The following CDC14A variants were observed in gnomAD, a reference collection of about 807,000 sequenced individuals.
CDC14A encodes the protein cell division cycle 14A.
CDC14A carries 53 observed loss-of-function variants against 74.4 expected under a neutral mutation model. The ratio of observed to expected loss-of-function variants is 0.71; its 90% confidence interval spans 0.57 to 0.89. The LOEUF (loss-of-function observed/expected upper bound fraction) is 0.89, where lower values mean the gene tolerates loss of function less well. Ranked by LOEUF, CDC14A falls within the 40% of genes least tolerant of loss-of-function variation. The pLI, the probability that CDC14A is intolerant of heterozygous loss-of-function variation, is 0.00. For missense variants in CDC14A, 646 were observed against 713.7 expected (o/e 0.91, Z 1.08); for synonymous variants, 247 against 258.4 (o/e 0.96, Z 0.43).
intron 4 of CDC14A, among the ~76,000 whole-genome samples, chr1:100,407,296 T>C (rs1268105657): frequency 4.6e-5 from 7 of 152,194 alleles, no homozygotes. Context: ...TCGGGCAGTA[T>C]GGCCATTTTC....
At chr1:100,462,908 G>A (rs764441114) in intron 9 of CDC14A, 27 bp downstream of exon 9, 1 of 1,571,188 alleles carries the variant, frequency 6.4e-7, no homozygotes, top group South Asian at 1.1e-5. Flanking sequence ...GGTGGTGGTG[G>A]CTGTGCTTAT....
At chr1:100,352,003 TGC>T (rs370715549), upstream of CDC14A, among the ~76,000 whole-genome samples, 50 of 122,848 alleles carry the variant, frequency 4.1e-4, no homozygotes, top group Non-Finnish European at 7.0e-4. Context: ...TGTGTGTGTG[TGC>T]GCGCGCGCGC....
chr1:100,353,153 A>G (rs1435740598), intron 1 of CDC14A, 150 bp downstream of exon 1: 4 of 813,148 alleles, frequency 4.9e-6, no homozygotes, highest in Non-Finnish European at 8.2e-6. Context: ...CCTTTCTCCG[A>G]GGACCCCCTG....
At chr1:100,420,082 A>ATATATATATATATATATATATGT (rs58124351) in intron 4 of CDC14A, among the ~76,000 whole-genome samples, 1 of 105,524 alleles carries the variant, frequency 9.5e-6, no homozygotes, top group Admixed American at 9.7e-5. Context: ...ATATATATAT[A>ATATATATATATATATATATATGT]GTGTGTATGT....
intron 4 of CDC14A, among the ~76,000 whole-genome samples, chr1:100,402,620 C>T (rs1659416916): frequency 6.6e-6 from 1 of 152,158 alleles, no homozygotes; most frequent in African/African-American, 2.4e-5. Context: ...AACCCTTCTG[C>T]AGTCCTGCTT....
chr1:100,417,580 T>C (rs916172651), intron 4 of CDC14A, among the ~76,000 whole-genome samples: 7 of 152,204 alleles, frequency 4.6e-5, no homozygotes, highest in Admixed American at 4.6e-4. Flanking sequence ...ATACTTTCTA[T>C]AAGCAAATAC....
At chr1:100,500,040 G>T (rs1282615778) in intron 15 of CDC14A, among the ~76,000 whole-genome samples, 4 of 152,156 alleles carry the variant, frequency 2.6e-5, no homozygotes, top group African/African-American at 9.7e-5. Flanking sequence ...GGTAAACTCT[G>T]TTGGTAAACT....
intron 11 of CDC14A, among the ~76,000 whole-genome samples, chr1:100,488,699 A>G (rs1029989038): frequency 2.0e-5 from 3 of 152,238 alleles, no homozygotes; most frequent in African/African-American, 4.8e-5. Context: ...CAAATTGACA[A>G]TCAAGTAGAC....
intron 4 of CDC14A, among the ~76,000 whole-genome samples, chr1:100,395,679 C>G (rs1451986207): frequency 1.3e-5 from 2 of 152,146 alleles, no homozygotes; most frequent in Non-Finnish European, 2.9e-5. Flanking sequence ...TAAATTAGAT[C>G]ACGTCATTAC....
intron 15 of CDC14A, among the ~76,000 whole-genome samples, chr1:100,503,979 A>G (rs1463795224): frequency 1.3e-5 from 2 of 152,152 alleles, no homozygotes. Flanking sequence ...GCCTCTCTAC[A>G]TCCCACCTTG....
At chr1:100,444,941 G>GT (rs540422795) in intron 7 of CDC14A, among the ~76,000 whole-genome samples, 19 of 151,844 alleles carry the variant, frequency 1.3e-4, no homozygotes, top group South Asian at 6.2e-4. Context: ...CCCAAAGAGA[G>GT]TTTTTTTTAA....
upstream of CDC14A, among the ~76,000 whole-genome samples, chr1:100,349,613 T>C (rs1040144099): frequency 6.6e-6 from 1 of 152,228 alleles, no homozygotes; most frequent in Admixed American, 6.5e-5. Flanking sequence ...CTTAGAGAGA[T>C]TTGATTATAC....
chr1:100,498,251 G>C lies in CDC14A; in HGVS notation c.1421+44G>C, dbSNP rs764561278. ...TTCTAAGGTGCTGGTTTGAGGTAAA[G>C]GAAGCTTGCAGCAGGCGATGAGTTT... On this transcript the variant is annotated intron_variant, in intron 14 of 15. Transcript: ENST00000336454. The C allele has an allele frequency of 6.2e-5, 99 of 1,598,348 alleles. 1 individual carries two copies. In the South Asian group the frequency reaches 1.1e-3, roughly 18 times the overall value.
At chr1:100,460,493 C>T (rs952845233) in intron 8 of CDC14A, among the ~76,000 whole-genome samples, 9 of 152,168 alleles carry the variant, frequency 5.9e-5, no homozygotes, top group African/African-American at 7.2e-5. Context: ...CTCACCAGCC[C>T]GCCACACCAG....
At chr1:100,488,090 G>A (rs1670223729) in intron 11 of CDC14A, among the ~76,000 whole-genome samples, 1 of 152,168 alleles carries the variant, frequency 6.6e-6, no homozygotes, top group Admixed American at 6.5e-5. Flanking sequence ...AATAGTACTA[G>A]CAATAAGTGC....
intron 5 of CDC14A, among the ~76,000 whole-genome samples, chr1:100,426,214 G>T (rs564416064): frequency 6.6e-6 from 1 of 152,278 alleles, no homozygotes; most frequent in African/African-American, 2.4e-5. Context: ...CTGGGTTCAA[G>T]AGAATCTCCT....
intron 3 of CDC14A, among the ~76,000 whole-genome samples, chr1:100,378,606 A>G (rs1655640792): frequency 6.6e-6 from 1 of 152,190 alleles, no homozygotes; most frequent in African/African-American, 2.4e-5. Flanking sequence ...TTATGAATTT[A>G]CAAATTTTTG....
intron 4 of CDC14A, among the ~76,000 whole-genome samples, chr1:100,420,122 T>G (rs1400432658): frequency 9.1e-5 from 6 of 65,766 alleles, no homozygotes; most frequent in Admixed American, 5.2e-4. Context: ...CTGAAAAGGT[T>G]TTTTTTTTTT....
chr1:100,442,877 T>C (rs1478098543), intron 6 of CDC14A, 57 bp from the exon 7 acceptor site: 1 of 1,138,364 alleles, frequency 8.8e-7, no homozygotes, highest in East Asian at 2.4e-5. Context: ...GTTCCAGAAA[T>C]GATGAGTAGA....
Sources: allele counts gnomAD v4.1 joint callset (sites outside exome capture counted in the v4.1 genomes callset), GRCh38; gene constraint gnomAD v4.1.1; transcripts MANE v1.5; gene names NCBI Gene and HGNC (gene_info 2026-07-23, HGNC 2026-07-21).